SGCD: variants seen among roughly 807,000 people sequenced by gnomAD.
SGCD encodes sarcoglycan delta, also known as delta-sarcoglycan.
A neutral mutation model predicts 36.6 loss-of-function variants in SGCD; 18 were observed. That is an observed-to-expected ratio of 0.49 (90% CI 0.34 to 0.73). SGCD has a LOEUF of 0.73. Among genes scored for constraint, SGCD ranks in the 30% least tolerant of loss-of-function variants. The pLI is 0.01. For synonymous variants in SGCD, 133 were observed against 130.6 expected (o/e 1.02, Z -0.12); for missense variants, 387 against 346.7 (o/e 1.12, Z -0.92).
At chr5:155,987,970 C>T (rs537123055) in intron 1 of SGCD, among the ~76,000 whole-genome samples, 3 of 152,298 alleles carry the variant, frequency 2.0e-5, no homozygotes, top group African/African-American at 7.2e-5. Flanking sequence ...CAAAACTGCA[C>T]TCTCACTTAA....
intron 1 of SGCD, among the ~76,000 whole-genome samples, chr5:156,088,490 GGTTTGTTT>G (rs137895094): frequency 1.2e-4 from 18 of 150,942 alleles, no homozygotes; most frequent in Admixed American, 4.0e-4. Flanking sequence ...GAGAAATAAG[GGTTTGTTT>G]GTTTGTTTGT....
chr5:155,808,258 ATTTGTT>A, the SGCD span, among the ~76,000 whole-genome samples: 15 of 152,252 alleles, frequency 9.9e-5, no homozygotes, highest in African/African-American at 3.4e-4. Flanking sequence ...AAAAACCTTC[ATTTGTT>A]TCCAAATCTT....
chr5:156,078,602 T>A (rs187147462), intron 1 of SGCD, among the ~76,000 whole-genome samples: 7 of 146,584 alleles, frequency 4.8e-5, no homozygotes, highest in Admixed American at 2.1e-4. Context: ...TATTTATATA[T>A]TTTTATATAT....
chr5:155,859,794 G>A, the SGCD span, among the ~76,000 whole-genome samples: 1 of 152,196 alleles, frequency 6.6e-6, no homozygotes, highest in Non-Finnish European at 1.5e-5. Context: ...ATGACCTTAT[G>A]TGGTACAGAG....
intron 1 of SGCD, among the ~76,000 whole-genome samples, chr5:156,016,186 G>A (rs1758973947): frequency 6.6e-6 from 1 of 151,870 alleles, no homozygotes; most frequent in Non-Finnish European, 1.5e-5. Flanking sequence ...ACAAAACAAA[G>A]CAAGAAAACA....
At chr5:155,730,144 C>A in the SGCD span, among the ~76,000 whole-genome samples, 8 of 152,136 alleles carry the variant, frequency 5.3e-5, no homozygotes, top group African/African-American at 1.9e-4. Context: ...AAACTCTGCA[C>A]CCTCCAGGGA....
intron 6 of SGCD, among the ~76,000 whole-genome samples, chr5:156,628,665 C>T (rs571153386): frequency 1.3e-5 from 2 of 152,304 alleles, no homozygotes; most frequent in African/African-American, 4.8e-5. Context: ...GTTTTGTTTT[C>T]TACTTCTGCC....
rs1340957208 is a variant in SGCD at position 156,713,204 on chromosome 5, C to T, written c.576-44377C>T. Among the ~76,000 whole-genome samples the T allele has an allele frequency of 2.0e-5, 3 of 152,206 alleles. No homozygotes were observed. In the East Asian group the frequency reaches 5.8e-4, roughly 29 times the overall value. ...ACAGACAAGAATTTCCTTCCCTACC[C>T]ATCAGTGAATGTTTGATAATTTGAG... On this transcript the variant is annotated intron_variant, in intron 7 of 8. Coordinates refer to ENST00000337851, the MANE Select transcript of SGCD (RefSeq NM_000337.6).
At chr5:156,489,324 T>A (rs1173205627) in intron 3 of SGCD, among the ~76,000 whole-genome samples, 1 of 151,994 alleles carries the variant, frequency 6.6e-6, no homozygotes, top group Non-Finnish European at 1.5e-5. Flanking sequence ...GAAAGATCAT[T>A]TGCACAGAAA....
At chr5:155,799,810 CCCTTTTTTTTTTTTTT>C in the SGCD span, among the ~76,000 whole-genome samples, 1 of 90,276 alleles carries the variant, frequency 1.1e-5, no homozygotes, top group East Asian at 4.4e-4. Context: ...CTTCCTATTC[CCCTTTTTTTTTTTTTT>C]TTTTTTTTTT....
intron 3 of SGCD, among the ~76,000 whole-genome samples, chr5:156,356,739 C>T (rs1174907571): frequency 1.3e-5 from 2 of 152,144 alleles, no homozygotes; most frequent in Non-Finnish European, 2.9e-5. Context: ...AAAAGGGTCT[C>T]ATCTAAATTA....
chr5:156,020,750 T>C (rs1759079366), intron 1 of SGCD, among the ~76,000 whole-genome samples: 1 of 152,198 alleles, frequency 6.6e-6, no homozygotes. Flanking sequence ...TGTGTATTGG[T>C]CAGGCTCTAT....
intron 1 of SGCD, among the ~76,000 whole-genome samples, chr5:155,932,756 A>G (rs894901380): frequency 6.6e-6 from 1 of 152,188 alleles, no homozygotes. Flanking sequence ...TATTTAATGA[A>G]TCATGAACCA....
chr5:155,810,544 G>T, the SGCD span, among the ~76,000 whole-genome samples: 4 of 151,826 alleles, frequency 2.6e-5, no homozygotes, highest in Admixed American at 2.6e-4. Flanking sequence ...CTTTTGACTG[G>T]TTGCATCATT....
chr5:156,022,623 G>C (rs1759131892), intron 1 of SGCD, among the ~76,000 whole-genome samples: 1 of 152,166 alleles, frequency 6.6e-6, no homozygotes, highest in Non-Finnish European at 1.5e-5. Flanking sequence ...ATTGGTTTTA[G>C]TGATGGTATG....
chr5:156,071,703 A>T (rs188019253), intron 1 of SGCD, among the ~76,000 whole-genome samples: 4,598 of 152,152 alleles, frequency 0.03, 211 homozygotes, highest in African/African-American at 0.099. Flanking sequence ...TTTCTGTCTC[A>T]TTGATCTGTC....
intron 1 of SGCD, among the ~76,000 whole-genome samples, chr5:156,003,956 G>T (rs1758711033): frequency 6.6e-6 from 1 of 152,144 alleles, no homozygotes; most frequent in Non-Finnish European, 1.5e-5. Context: ...CAGGAACAAA[G>T]ATAGAAATAT....
At chr5:155,800,179 G>C in the SGCD span, among the ~76,000 whole-genome samples, 1 of 152,070 alleles carries the variant, frequency 6.6e-6, no homozygotes, top group Non-Finnish European at 1.5e-5. Context: ...ACAGTTGCCT[G>C]TTTTGCATCA....
intron 7 of SGCD, among the ~76,000 whole-genome samples, chr5:156,753,713 G>A (rs1301595635): frequency 9.9e-5 from 15 of 152,150 alleles, no homozygotes; most frequent in Non-Finnish European, 1.0e-4. Flanking sequence ...AGTGCCAAGC[G>A]AAGGGGGAAA....
Sources: allele counts gnomAD v4.1 joint callset (sites outside exome capture counted in the v4.1 genomes callset), GRCh38; gene constraint gnomAD v4.1.1; transcripts MANE v1.5; gene names NCBI Gene and HGNC (gene_info 2026-07-23, HGNC 2026-07-21).